KIF13B: variants seen among roughly 807,000 people sequenced by gnomAD.
The protein encoded by KIF13B is kinesin family member 13B, also known as kinesin-like protein KIF13B.
In KIF13B, 127 loss-of-function variants were observed where a neutral mutation model predicts 222.0. The observed-to-expected ratio is 0.57, with a 90% CI of 0.50 to 0.66. KIF13B has a LOEUF of 0.66. Ranked by LOEUF, KIF13B falls within the 30% of genes least tolerant of loss-of-function variation. The pLI, the probability that KIF13B is intolerant of heterozygous loss-of-function variation, is 0.00. For synonymous variants in KIF13B, 976 were observed against 919.0 expected (o/e 1.06, Z -1.12); for missense variants, 2,173 against 2,379.0 (o/e 0.91, Z 1.80).
At chr8:29,119,311 G>A (rs544400020) in intron 29 of KIF13B, among the ~76,000 whole-genome samples, 12 of 152,224 alleles carry the variant, frequency 7.9e-5, no homozygotes, top group East Asian at 7.7e-4. Flanking sequence ...CACAAATTCC[G>A]TACCATTTAG....
At chr8:29,203,892 CAAAAAAAAAAA>C (rs11432771) in intron 2 of KIF13B, among the ~76,000 whole-genome samples, 1 of 66,190 alleles carries the variant, frequency 1.5e-5, no homozygotes, top group Admixed American at 2.1e-4. Context: ...AGTTCCGTCT[CAAAAAAAAAAA>C]AAAAAAAAAA....
chr8:29,087,413 T>A (rs1808092258), intron 37 of KIF13B, among the ~76,000 whole-genome samples: 2 of 152,198 alleles, frequency 1.3e-5, no homozygotes, highest in Non-Finnish European at 2.9e-5. Context: ...AGAAAGATCT[T>A]GATATCCTGG....
chr8:29,154,337 G>A (rs573399011), intron 14 of KIF13B, among the ~76,000 whole-genome samples: 3 of 151,772 alleles, frequency 2.0e-5, no homozygotes, highest in African/African-American at 7.3e-5. Context: ...GGAAAGGAGG[G>A]AAGGGATCGG....
rs774081586 is a variant in KIF13B at position 29,155,747 on chromosome 8, A to C, written c.1514T>G (p.Leu505Arg). ...IDITSEGQVM[L>R]TPQKNTRTFV... ...TTACCTGGTGTTCTTCTGAGGAGTCAGCATAACCTGGCCTTCTGACGTGAT... is the reference window on the plus strand; with the variant it reads ...TTACCTGGTGTTCTTCTGAGGAGTCCGCATAACCTGGCCTTCTGACGTGAT... The change falls in exon 14 of 40, where the codon CTG becomes CGG. Residue 505 changes from leucine (L) to arginine (R), a missense_variant. Leu to Arg is a moderately radical substitution (Grantham distance 102). Around this residue, in one of 2 missense-constraint regions of KIF13B, gnomAD observed 1,480 missense variants for 1,722.8 expected, o/e 0.86. Transcript: ENST00000524189. 6.2e-7 allele frequency: 1 copy of C among 1,605,984 alleles called. No individual in the cohort carries two copies. Among genetic ancestry groups the C allele is most frequent in the Non-Finnish European group, 8.5e-7 (1 of 1,175,720 alleles).
Position 29,109,497 on chromosome 8 carries a change from C to G in KIF13B, c.4098G>C (p.Lys1366Asn). The part of the protein sequence containing the change: ...LDRLRQEVAV[K>N]EQLTGKGKLS... The stretch of plus-strand genomic sequence containing the variant: ...ACTTTCCTTTTCCTGTTAACTGTTC[C>G]TTCACTGCAACTTCCTGTGAATCAG... The change falls in exon 34 of 40, where the codon AAG becomes AAC. Residue 1366 changes from lysine (K) to asparagine (N), a missense_variant. This residue lies in a region of KIF13B where 1,480 missense variants were observed against 1,722.8 expected (regional missense o/e 0.86). Transcript: ENST00000524189. 2 of 1,613,734 alleles carry G rather than the reference C, an allele frequency of 1.2e-6. No homozygotes were observed. The highest frequency in any genetic ancestry group is 1.7e-6 in the Non-Finnish European group (2 of 1,179,644).
chr8:29,194,707 T>C (rs982186431), intron 3 of KIF13B, among the ~76,000 whole-genome samples: 1 of 152,214 alleles, frequency 6.6e-6, no homozygotes, highest in African/African-American at 2.4e-5. Flanking sequence ...GGACAAGTCT[T>C]TTCTTTCCAA....
chr8:29,074,686 G>A (rs1174502242), intron 38 of KIF13B, among the ~76,000 whole-genome samples: 3 of 152,234 alleles, frequency 2.0e-5, no homozygotes, highest in East Asian at 3.8e-4. Context: ...GTGTGCACTG[G>A]GGTAAAAAGG....
At chr8:29,159,783 G>C (rs1361655576) in intron 13 of KIF13B, among the ~76,000 whole-genome samples, 1 of 152,184 alleles carries the variant, frequency 6.6e-6, no homozygotes, top group African/African-American at 2.4e-5. Context: ...CTAACTCACA[G>C]CATGACAATA....
chr8:29,070,872 G>A lies in KIF13B; in HGVS notation c.5219-106C>T, dbSNP rs560549452. The stretch of plus-strand genomic sequence containing the variant: ...CATGTGCCCACACTGCCACCCCCCC[G>A]CACAGGCCCTACACAGCCAGCACTC... On this transcript the variant is annotated intron_variant, in intron 39 of 39. Coordinates refer to ENST00000524189, the MANE Select transcript of KIF13B (RefSeq NM_015254.4). The surrounding 1 kb of genome is among the most constrained non-coding windows in gnomAD (Gnocchi z 4.1). 4.3e-4 allele frequency: 524 copies of A among 1,216,774 alleles called. 1 individual carries two copies. The African/African-American group carries it at 5.9e-3, about 14-fold the overall frequency. 75.4% of individuals were successfully genotyped at this position (1,216,774 alleles called of 1,614,324 possible).
At chr8:29,082,777 T>C (rs1301303289) in intron 37 of KIF13B, among the ~76,000 whole-genome samples, 1 of 152,246 alleles carries the variant, frequency 6.6e-6, no homozygotes, top group Non-Finnish European at 1.5e-5. Flanking sequence ...GTTTTTCAAG[T>C]GTCCATGAAG....
intron 3 of KIF13B, among the ~76,000 whole-genome samples, chr8:29,195,678 A>G (rs1247529967): frequency 1.3e-5 from 2 of 152,192 alleles, no homozygotes; most frequent in African/African-American, 4.8e-5. Flanking sequence ...AGGTGAAAGC[A>G]TGTTCCCTTG....
At chr8:29,137,558 T>C (rs1810621761) in intron 21 of KIF13B, among the ~76,000 whole-genome samples, 1 of 152,226 alleles carries the variant, frequency 6.6e-6, no homozygotes, top group Admixed American at 6.5e-5. Context: ...AAATCCAGAC[T>C]TCTTTGGGGG....
intron 2 of KIF13B, among the ~76,000 whole-genome samples, chr8:29,198,424 C>T (rs944459641): frequency 2.6e-5 from 4 of 152,044 alleles, no homozygotes; most frequent in Admixed American, 6.6e-5. Flanking sequence ...TGGGTTCAAG[C>T]GATTCTCCAG....
At chr8:29,180,606 T>C (rs1812672557) in intron 7 of KIF13B, among the ~76,000 whole-genome samples, 1 of 152,230 alleles carries the variant, frequency 6.6e-6, no homozygotes. Context: ...AATTAGATTA[T>C]ACAAATAAGC....
At chr8:29,125,289 T>C (rs1464447170) in intron 26 of KIF13B, among the ~76,000 whole-genome samples, 2 of 152,146 alleles carry the variant, frequency 1.3e-5, no homozygotes, top group Non-Finnish European at 2.9e-5. Context: ...AATATCAATC[T>C]TACCTCATTT....
intron 13 of KIF13B, among the ~76,000 whole-genome samples, 171 bp from the exon 14 acceptor site, chr8:29,156,027 G>T (rs1811509722): frequency 6.6e-6 from 1 of 152,176 alleles, no homozygotes; most frequent in Admixed American, 6.5e-5. Flanking sequence ...GGAAGGCAAT[G>T]GTGCAATCTC....
intron 13 of KIF13B, among the ~76,000 whole-genome samples, chr8:29,157,152 A>G (rs577957517): frequency 6.6e-6 from 1 of 151,990 alleles, no homozygotes; most frequent in East Asian, 1.9e-4. Context: ...TCCTAGATTC[A>G]GCCTCCAGGA....
intron 37 of KIF13B, among the ~76,000 whole-genome samples, chr8:29,090,443 T>C (rs1191391479): frequency 6.6e-6 from 1 of 151,906 alleles, no homozygotes; most frequent in African/African-American, 2.4e-5. Context: ...GTCCCAGGAG[T>C]GGATCGCGGA....
rs1335073528 is a variant in KIF13B at position 29,188,623 on chromosome 8, TAAGAG to T, written c.224-21_224-17del. ...ATATCTTGACCTGAGAGAGAGAGAA[TAAGAG>T]AAAAGATATTTTAAGCCAAAACTAC... On this transcript the variant is annotated splice_polypyrimidine_tract_variant and intron_variant, in intron 4 of 39. Coordinates refer to ENST00000524189, the MANE Select transcript of KIF13B (RefSeq NM_015254.4). The T allele has an allele frequency of 5.2e-6, 8 of 1,536,564 alleles. No homozygotes were observed. In the South Asian group the frequency reaches 7.0e-5, roughly 13 times the overall value.
Sources: gnomAD v4.1 joint callset for allele counts (sites outside exome capture counted in the v4.1 genomes callset) on GRCh38, gnomAD v4.1.1 for gene constraint, gnomAD v4.1.1 regional missense constraint, Gnocchi (gnomAD v3.1) non-coding constraint, MANE v1.5 for transcripts, NCBI Gene and HGNC (gene_info 2026-07-23, HGNC 2026-07-21) for gene names.